The following MALRD1 variants were observed in gnomAD, a reference collection of about 807,000 sequenced individuals.
The protein encoded by MALRD1 is MAM and LDL receptor class A domain containing 1, also known as MAM and LDL-receptor class A domain-containing protein 1.
Under a neutral mutation model 242.1 loss-of-function variants are expected in MALRD1, and 247 were observed. The observed-to-expected ratio is 1.02, with a 90% confidence interval of 0.92 to 1.13. MALRD1 has a LOEUF of 1.13. Ranked by LOEUF, MALRD1 falls within the 50% of genes most tolerant of loss-of-function variation. The pLI, the probability that MALRD1 is intolerant of heterozygous loss-of-function variation, is 0.00. For missense variants in MALRD1, 2,989 were observed against 2,533.1 expected, an observed-to-expected ratio of 1.18 and a Z score of -3.86; for synonymous variants, 995 against 866.6, an observed-to-expected ratio of 1.15 and a Z score of -2.60.
intron 2 of MALRD1, 24 bp from the exon 3 acceptor site, chr10:19,087,816 T>G: frequency 8.6e-7 from 1 of 1,157,656 alleles, no homozygotes; most frequent in Non-Finnish European, 1.1e-6. Flanking sequence ...TTTTTTTTTG[T>G]ACCCTGTCTC....
intron 36 of MALRD1, among the ~76,000 whole-genome samples, chr10:19,680,975 G>A (rs75371728): frequency 3.9e-5 from 6 of 152,116 alleles, no homozygotes; most frequent in Admixed American, 2.0e-4. Context: ...TTGGCCTCCC[G>A]ATATCTTTTG....
At chr10:19,491,264 G>A (rs1837481733) in intron 29 of MALRD1, 2 of 698,506 alleles carry the variant, frequency 2.9e-6, no homozygotes, top group African/African-American at 1.8e-5. Context: ...TCTCATCCAT[G>A]AGAATCACAG....
chr10:19,137,759 C>T (rs1306859239), intron 10 of MALRD1, among the ~76,000 whole-genome samples: 1 of 152,100 alleles, frequency 6.6e-6, no homozygotes, highest in Non-Finnish European at 1.5e-5. Flanking sequence ...CAAGCATAGT[C>T]ATAGTTCAAC....
intron 18 of MALRD1, among the ~76,000 whole-genome samples, chr10:19,235,616 G>A (rs1031822702): frequency 7.5e-5 from 11 of 147,282 alleles, no homozygotes; most frequent in Non-Finnish European, 1.4e-4. Context: ...GAGAGAGAGC[G>A]CCTAGGTAAG....
In MALRD1 at chr10:19,389,459, C is replaced by T. The variant is rs1211261653; in HGVS notation, c.4695C>T (p.Phe1565=). 1 of 1,550,176 alleles carries T rather than the reference C, an allele frequency of 6.5e-7. No homozygotes were observed. The highest frequency in any genetic ancestry group is 8.7e-7 in the Non-Finnish European group (1 of 1,146,798). Residue 1565 remains phenylalanine, a synonymous_variant, in exon 28 of 40, where the codon TTC becomes TTT. Transcript: ENST00000454679. ...TTCTGTCCTTGTTCCTAGGGCACTT[C>T]ATGTATCTGGAAGCTACTGCAGTGG... ...DHTLGNENGH[F]MYLEATAVGL... is the part of the protein sequence containing the mutation.
chr10:19,626,715 C>T (rs1839670520), intron 36 of MALRD1, among the ~76,000 whole-genome samples: 2 of 150,362 alleles, frequency 1.3e-5, no homozygotes, highest in South Asian at 4.2e-4. Context: ...CACAGAAGAC[C>T]TAAATAAATG....
At chr10:19,260,938 A>G (rs1373385263) in intron 19 of MALRD1, among the ~76,000 whole-genome samples, 2 of 152,182 alleles carry the variant, frequency 1.3e-5, no homozygotes, top group African/African-American at 4.8e-5. Flanking sequence ...AAAATTAAAG[A>G]TATAAGTAGT....
intron 34 of MALRD1, among the ~76,000 whole-genome samples, chr10:19,604,694 T>A (rs946084811): frequency 6.6e-5 from 10 of 152,144 alleles, no homozygotes; most frequent in African/African-American, 2.4e-4. Context: ...ACATAGGACT[T>A]CCACAGCTAG....
intron 31 of MALRD1, among the ~76,000 whole-genome samples, chr10:19,522,135 C>A (rs1259745834): frequency 6.6e-6 from 1 of 152,090 alleles, no homozygotes; most frequent in African/African-American, 2.4e-5. Context: ...ATCAGAGGCT[C>A]TTCATTGCCT....
intron 33 of MALRD1, among the ~76,000 whole-genome samples, chr10:19,580,216 G>A (rs912184824): frequency 9.2e-5 from 14 of 152,136 alleles, no homozygotes; most frequent in African/African-American, 3.1e-4. Context: ...TACGAAGGCA[G>A]CAAATTCATC....
chr10:19,550,629 G>A (rs1183502624), intron 32 of MALRD1, among the ~76,000 whole-genome samples: 1 of 152,028 alleles, frequency 6.6e-6, no homozygotes, highest in Non-Finnish European at 1.5e-5. Context: ...GTTTCCTGAG[G>A]ATAATGGCTT....
intron 29 of MALRD1, among the ~76,000 whole-genome samples, chr10:19,484,948 A>G (rs371077461): frequency 3.3e-5 from 5 of 152,008 alleles, no homozygotes; most frequent in South Asian, 2.1e-4. Context: ...CCATGAGTGG[A>G]TAAGGAAAAT....
At chr10:19,329,420 C>G (rs1413252486) in intron 23 of MALRD1, among the ~76,000 whole-genome samples, 1 of 92,794 alleles carries the variant, frequency 1.1e-5, no homozygotes, top group East Asian at 2.6e-4. Context: ...GGACCCCCCC[C>G]CAATTTAAAC....
In MALRD1 at chr10:19,209,265, C is replaced by G. The variant is rs1273583112; in HGVS notation, c.2579-3C>G. ...TTTTGCTTTTATTTCATGTGAATTT[C>G]AGCACCTGAGCTGCAGTGTAACTTT... On this transcript the variant is annotated splice_polypyrimidine_tract_variant and splice_region_variant and intron_variant, in intron 17 of 39. Coordinates refer to ENST00000454679, the MANE Select transcript of MALRD1 (RefSeq NM_001142308.3). 1 of 1,502,602 alleles carries G rather than the reference C, an allele frequency of 6.7e-7. No individual in the cohort carries two copies. The highest frequency in any genetic ancestry group is 1.4e-5 in the African/African-American group (1 of 70,888). 93.1% of individuals were successfully genotyped at this position (1,502,602 alleles called of 1,614,324 possible).
Position 19,487,352 on chromosome 10 carries a change from G to C in MALRD1, c.5030-4165G>C, listed in dbSNP as rs80010344. Among the ~76,000 whole-genome samples, 41 of 87,268 alleles carry C rather than the reference G, an allele frequency of 4.7e-4. No individual in the cohort carries two copies. In the East Asian group the frequency reaches 0.018, roughly 39 times the overall value. The allele number at this position is 87,268 out of a possible 152,430, so 57.3% of individuals were successfully genotyped here. ...ATTCTTAAAAAATATACGTGAGGCT[G>C]TTTTTTATTTGTTTATTTTTCTTTG... On this transcript the variant is annotated intron_variant, in intron 29 of 39. Transcript: ENST00000454679.
intron 30 of MALRD1, among the ~76,000 whole-genome samples, chr10:19,493,924 A>G (rs1205276701): frequency 6.6e-6 from 1 of 152,228 alleles, no homozygotes; most frequent in Non-Finnish European, 1.5e-5. Context: ...TTTTCCCCAC[A>G]AGATGTACTA....
At chr10:19,595,894 T>A (rs999716479) in intron 34 of MALRD1, among the ~76,000 whole-genome samples, 4 of 152,158 alleles carry the variant, frequency 2.6e-5, no homozygotes, top group Non-Finnish European at 5.9e-5. Flanking sequence ...TATGTATAGT[T>A]AAGGATTGGA....
chr10:19,630,895 A>T (rs1839867139), intron 36 of MALRD1, among the ~76,000 whole-genome samples: 1 of 152,152 alleles, frequency 6.6e-6, no homozygotes, highest in Non-Finnish European at 1.5e-5. Context: ...TATAAAACTA[A>T]ATTAGTCATT....
At chr10:19,603,517 T>A (rs944249106) in intron 34 of MALRD1, among the ~76,000 whole-genome samples, 1 of 152,150 alleles carries the variant, frequency 6.6e-6, no homozygotes, top group African/African-American at 2.4e-5. Context: ...TGTGTGGTAT[T>A]ATTTCTGAGG....
Sources: gnomAD v4.1 joint callset for allele counts (sites outside exome capture counted in the v4.1 genomes callset) on GRCh38, gnomAD v4.1.1 for gene constraint, MANE v1.5 for transcripts, NCBI Gene and HGNC (gene_info 2026-07-23, HGNC 2026-07-21) for gene names.